Variants in MST1R observed in about 807,000 individuals in gnomAD.
The protein encoded by MST1R is macrophage stimulating 1 receptor.
MST1R carries 99 observed loss-of-function variants against 117.8 expected under a neutral mutation model. That is an observed-to-expected ratio of 0.84 (90% CI 0.71 to 0.99). MST1R has a LOEUF of 0.99. Ranked by LOEUF, MST1R falls within the 50% of genes least tolerant of loss-of-function variation. MST1R has a pLI of 0.00. For missense variants in MST1R, 1,683 were observed against 1,840.2 expected (o/e 0.91, Z 1.56); for synonymous variants, 734 against 765.3 (o/e 0.96, Z 0.68).
chr3:49,888,293 G>A (rs981750148), intron 19 of MST1R, among the ~76,000 whole-genome samples: 10 of 152,238 alleles, frequency 6.6e-5, no homozygotes, highest in Admixed American at 1.3e-4. Context: ...AATATTAGCC[G>A]GGCGTCGTGG....
chr3:49,895,093 G>C, intron 14 of MST1R, 74 bp downstream of exon 14: 2 of 1,535,142 alleles, frequency 1.3e-6, no homozygotes, highest in Non-Finnish European at 1.8e-6. Context: ...TTACAGGAGT[G>C]AGCCACCACG....
At chr3:49,890,286 G>C (rs1257739488) in intron 18 of MST1R, among the ~76,000 whole-genome samples, 199 bp downstream of exon 18, 1 of 152,198 alleles carries the variant, frequency 6.6e-6, no homozygotes, top group Non-Finnish European at 1.5e-5. Flanking sequence ...TCTGTGAGGA[G>C]CCAGTGAGTT....
rs776047479 is a variant in MST1R at position 49,902,685 on chromosome 3, G to C, written c.925C>G (p.Arg309Gly). The C allele has an allele frequency of 1.2e-6, 2 of 1,613,440 alleles. No individual in the cohort carries two copies. Among genetic ancestry groups the C allele is most frequent in the Non-Finnish European group, 1.7e-6 (2 of 1,180,026 alleles). Residue 309 changes from arginine (R) to glycine (G), a missense_variant, in exon 1 of 20, where the codon CGG (arginine) becomes GGG (glycine). Physicochemically the swap from Arg to Gly is moderately radical, Grantham distance 125. Coordinates refer to ENST00000296474, the MANE Select transcript of MST1R (RefSeq NM_002447.4). ...DCRFAPKRRR[R>G]GAPEGGQPYP... ...GGCTGTCCGCCTTCTGGGGCCCCCC[G>C]GCGCCTGCGTTTTGGAGCAAATCTG...
chr3:49,900,013 C>G (rs779861798), intron 1 of MST1R, among the ~76,000 whole-genome samples: 3 of 152,216 alleles, frequency 2.0e-5, no homozygotes, highest in Non-Finnish European at 4.4e-5. Flanking sequence ...TGGCTCTTCT[C>G]TGACTCTCTG....
At chr3:49,897,224 G>A (rs1214419716) in intron 7 of MST1R, 56 bp downstream of exon 7, 15 of 1,540,972 alleles carry the variant, frequency 9.7e-6, no homozygotes, top group East Asian at 4.5e-5. Context: ...GACAGAATCC[G>A]GGTCCCCACC....
chr3:49,895,569 G>A, intron 12 of MST1R, 21 bp from the exon 13 acceptor site: 4 of 1,613,818 alleles, frequency 2.5e-6, no homozygotes, highest in Non-Finnish European at 2.5e-6. Context: ...AGAATCCTTG[G>A]TGGCTTGGCT....
Position 49,903,490 on chromosome 3 carries a change from A to G in MST1R, c.120T>C (p.Phe40=), listed in dbSNP as rs570923795. 3.0e-4 allele frequency: 477 copies of G among 1,612,074 alleles called. 11 individuals carry two copies. In the South Asian group the frequency reaches 5.2e-3, roughly 17 times the overall value. ...PRTPYAASRD[F]DVKYVVPSFS... ...AGCTGGGCACCACGTACTTCACGTC[A>G]AAGTCGCGAGAGGCCGCGTAGGGGG... Residue 40 remains phenylalanine (F), a synonymous_variant, in exon 1 of 20, where the codon TTT becomes TTC. Transcript: ENST00000296474.
At chr3:49,900,736 A>G (rs1559482159) in intron 1 of MST1R, among the ~76,000 whole-genome samples, 1 of 152,052 alleles carries the variant, frequency 6.6e-6, no homozygotes, top group South Asian at 2.1e-4. Flanking sequence ...ATAGAGCCCT[A>G]CCTTAGTCAG....
chr3:49,903,342 T>G lies in MST1R; in HGVS notation c.268A>C (p.Ser90Arg). The change falls in exon 1 of 20, where the codon AGC becomes CGC. Residue 90 changes from serine (S) to arginine (R), a missense_variant. Ser to Arg is a moderately radical substitution (Grantham distance 110). Coordinates refer to ENST00000296474, the MANE Select transcript of MST1R (RefSeq NM_002447.4). ...TCTCCAGCAGGGCCCGTGGCCAGGC[T>G]CTGGACAGACTTCAGGTCAGGCCCA... ...VLGPDLKSVQ[S>R]LATGPAGDPG... The G allele has an allele frequency of 1.2e-6, 2 of 1,613,690 alleles. No individual in the cohort carries two copies. The highest frequency in any genetic ancestry group is 1.7e-6 in the Non-Finnish European group (2 of 1,180,016).
intron 19 of MST1R, among the ~76,000 whole-genome samples, chr3:49,888,031 T>C (rs12637681): frequency 0.071 from 10,776 of 152,250 alleles, 398 homozygotes; most frequent in Non-Finnish European, 0.077. Context: ...CAGTGGCTCA[T>C]GCCTGTAATC....
chr3:49,897,038 A>G, intron 7 of MST1R, 148 bp from the exon 8 acceptor site: 1 of 1,207,668 alleles, frequency 8.3e-7, no homozygotes, highest in Non-Finnish European at 1.1e-6. Flanking sequence ...AGGTGGTCCC[A>G]GGAAGACATC....
At chr3:49,897,008 C>G in intron 7 of MST1R, 118 bp from the exon 8 acceptor site, 1 of 1,281,494 alleles carries the variant, frequency 7.8e-7, no homozygotes. Context: ...CTGCCCCACT[C>G]CATGGTCTGT....
chr3:49,895,894 G>A lies in MST1R; in HGVS notation c.2797-14C>T, dbSNP rs2108438785. On this transcript the variant is annotated splice_polypyrimidine_tract_variant and intron_variant, in intron 11 of 19. Transcript: ENST00000296474. The stretch of plus-strand genomic sequence containing the variant: ...ATCTACGCAGACCTGGGGGCAGGTG[G>A]CAACTCAGGCCCAGCCTGTAGGCCC... 4 of 1,586,942 alleles carry A rather than the reference G, an allele frequency of 2.5e-6. No homozygotes were observed. Among genetic ancestry groups the A allele is most frequent in the Non-Finnish European group, 3.4e-6 (4 of 1,165,570 alleles).
intron 1 of MST1R, among the ~76,000 whole-genome samples, 191 bp downstream of exon 1, chr3:49,902,187 AAG>A (rs1259596128): frequency 6.6e-6 from 1 of 152,116 alleles, no homozygotes; most frequent in Non-Finnish European, 1.5e-5. Context: ...CCTGGGAGCT[AAG>A]CCTCCAGTGT....
intron 17 of MST1R, among the ~76,000 whole-genome samples, chr3:49,890,948 G>A (rs1440068614): frequency 6.6e-6 from 1 of 152,122 alleles, no homozygotes; most frequent in African/African-American, 2.4e-5. Context: ...GGATGGTCTC[G>A]ATCTCCTGAC....
At position 49,902,625 on chromosome 3, in the gene MST1R, C is replaced by T; in HGVS notation, c.985G>A (p.Val329Met). 6.2e-7 allele frequency: 1 copy of T among 1,613,510 alleles called. No homozygotes were observed. Among genetic ancestry groups the T allele is most frequent in the Non-Finnish European group, 8.5e-7 (1 of 1,180,030 alleles). ...AGCTCAGTGGCAAGTTGGGCACCCA[C>T]TGGAGCGGAGTGGGCCACCCGCAGC... ...PVLRVAHSAPVGAQLATELSI... is the reference protein window; with the variant it reads ...PVLRVAHSAPMGAQLATELSI... Residue 329 changes from valine (V) to methionine (M), a missense_variant, in exon 1 of 20, where the codon GTG (valine) becomes ATG (methionine). Val to Met is a conservative substitution (Grantham distance 21). Coordinates refer to ENST00000296474, the MANE Select transcript of MST1R (RefSeq NM_002447.4).
At chr3:49,894,953 C>T (rs914482599) in intron 14 of MST1R, among the ~76,000 whole-genome samples, 4 of 152,082 alleles carry the variant, frequency 2.6e-5, no homozygotes, top group African/African-American at 4.8e-5. Context: ...GGACTACAGG[C>T]GCCTGCCACC....
chr3:49,890,014 G>A lies in MST1R; in HGVS notation c.3857C>T (p.Pro1286Leu), dbSNP rs2082267367. Residue 1286 changes from proline to leucine, a missense_variant, in exon 19 of 20, where the codon CCA (proline) becomes CTA (leucine). Coordinates refer to ENST00000296474, the MANE Select transcript of MST1R (RefSeq NM_002447.4). ...AAAAGGGTCAATGTGGCGGTATGGT[G>A]GGGCACCCCGTGTCAGCAGTTCCCA... The part of the protein sequence containing the change: ...LLWELLTRGA[P>L]PYRHIDPFDL... 1 of 1,613,506 alleles carries A rather than the reference G, an allele frequency of 6.2e-7. No individual in the cohort carries two copies. The highest frequency in any genetic ancestry group is 1.1e-5 in the South Asian group (1 of 91,018).
chr3:49,897,756 C>A, intron 5 of MST1R, 71 bp from the exon 6 acceptor site: 2 of 1,524,320 alleles, frequency 1.3e-6, no homozygotes, highest in Non-Finnish European at 1.8e-6. Context: ...TGCCACAAGC[C>A]ACAGGGCTCC....
Sources: gnomAD v4.1 joint callset for allele counts (sites outside exome capture counted in the v4.1 genomes callset) on GRCh38, gnomAD v4.1.1 for gene constraint, MANE v1.5 for transcripts, NCBI Gene and HGNC (gene_info 2026-07-23, HGNC 2026-07-21) for gene names.